The following CNTROB variants were observed in gnomAD, a reference collection of about 807,000 sequenced individuals.
The protein encoded by CNTROB is centrobin.
In CNTROB, 82 loss-of-function variants were observed where a neutral mutation model predicts 115.7. That is an observed-to-expected ratio of 0.71 (90% CI 0.59 to 0.85). The LOEUF (loss-of-function observed/expected upper bound fraction) is 0.85. Ranked by LOEUF, CNTROB falls within the 40% of genes least tolerant of loss-of-function variation. CNTROB has a pLI of 0.00. For synonymous variants in CNTROB, 439 were observed against 456.4 expected, an observed-to-expected ratio of 0.96 and a Z score of 0.49; for missense variants, 1,014 against 1,144.4, an observed-to-expected ratio of 0.89 and a Z score of 1.64.
At chr17:7,947,176 A>AG (rs796210848) in intron 13 of CNTROB, among the ~76,000 whole-genome samples, 2,822 of 148,678 alleles carry the variant, frequency 0.019, 46 homozygotes, top group Middle Eastern at 0.069. Flanking sequence ...AAAAAAAAAA[A>AG]AGAGAGATTA....
chr17:7,940,207 A>T lies in CNTROB; in HGVS notation c.1276A>T (p.Arg426Ter). Residue 426 changes from arginine to a stop codon, truncating the protein, a stop_gained, in exon 9 of 19, where the codon AGA becomes TGA. Coordinates refer to ENST00000563694, the MANE Select transcript of CNTROB (RefSeq NM_053051.5). LOFTEE classifies it high-confidence loss of function. The part of the protein sequence containing the change: ...EGELDTARRE[R>*]DALQLEMSLV... ...AGAGCTGGATACAGCTCGGAGAGAGAGAGATGCCCTGCAGCTGGAAATGAG... is the reference window on the plus strand; with the variant it reads ...AGAGCTGGATACAGCTCGGAGAGAGTGAGATGCCCTGCAGCTGGAAATGAG... 1 of 1,611,242 alleles carries T rather than the reference A, an allele frequency of 6.2e-7. No homozygotes were observed. Among genetic ancestry groups the T allele is most frequent in the Non-Finnish European group, 8.5e-7 (1 of 1,179,330 alleles).
chr17:7,934,433 T>C (rs1450736259), intron 2 of CNTROB, 32 bp from the exon 3 acceptor site: 1 of 1,608,006 alleles, frequency 6.2e-7, no homozygotes, highest in Admixed American at 1.7e-5. Context: ...ATTACCTGAC[T>C]CTGGCTTTGG....
Sources: gnomAD v4.1 joint callset for allele counts (sites outside exome capture counted in the v4.1 genomes callset) on GRCh38, gnomAD v4.1.1 for gene constraint, MANE v1.5 for transcripts, NCBI Gene and HGNC (gene_info 2026-07-23, HGNC 2026-07-21) for gene names.